The following GRM7 variants were observed in gnomAD, a reference collection of about 807,000 sequenced individuals.
GRM7 encodes glutamate metabotropic receptor 7, also known as metabotropic glutamate receptor 7.
In GRM7, 35 loss-of-function variants were observed where a neutral mutation model predicts 84.5. The observed-to-expected ratio is 0.41, with a 90% CI of 0.32 to 0.55. The LOEUF is 0.55. Ranked by LOEUF, GRM7 falls within the 20% of genes least tolerant of loss-of-function variation. The pLI is 0.19. For missense variants in GRM7, 1,003 were observed against 1,194.6 expected (o/e 0.84, Z 2.36); for synonymous variants, 487 against 455.1 (o/e 1.07, Z -0.89).
intron 8 of GRM7, among the ~76,000 whole-genome samples, chr3:7,662,738 A>T (rs940575568): frequency 2.0e-5 from 3 of 152,244 alleles, no homozygotes; most frequent in African/African-American, 7.2e-5. Flanking sequence ...AAATGAACAG[A>T]TGGTGAATCT....
At chr3:7,149,890 C>T (rs1363689583) in intron 2 of GRM7, among the ~76,000 whole-genome samples, 1 of 152,114 alleles carries the variant, frequency 6.6e-6, no homozygotes, top group Admixed American at 6.6e-5. Flanking sequence ...AGTCTGAAAA[C>T]TTTGAAAATA....
intron 2 of GRM7, among the ~76,000 whole-genome samples, chr3:7,284,910 T>C (rs1487697161): frequency 6.6e-6 from 1 of 152,152 alleles, no homozygotes; most frequent in African/African-American, 2.4e-5. Context: ...TATTAAAGGA[T>C]ACCCAATAAA....
At chr3:7,711,099 T>A (rs887042150) in intron 9 of GRM7, among the ~76,000 whole-genome samples, 5 of 152,188 alleles carry the variant, frequency 3.3e-5, no homozygotes, top group African/African-American at 9.6e-5. Context: ...TTAGACACAG[T>A]GGTATCCACG....
At position 6,902,850 on chromosome 3, in the gene GRM7, T is replaced by TACACAC. The variant is rs34849112; in HGVS notation, c.519+40970_519+40975dup. ...AACAACACGATCACAAACAGACTCCTACACACACACACACACACACACACA... is the reference window on the plus strand; with the variant it reads ...AACAACACGATCACAAACAGACTCCTACACACACACACACACACACACACACACACA... On this transcript the variant is annotated intron_variant, in intron 1 of 9. Transcript: ENST00000357716. Among the ~76,000 whole-genome samples, 932 of 134,536 alleles carry TACACAC rather than the reference T, an allele frequency of 6.9e-3. 9 individuals carry two copies. The highest frequency in any genetic ancestry group is 0.019 in the African/African-American group (731 of 38,850). The allele number at this position is 134,536 out of a possible 152,430, so 88.3% of individuals were successfully genotyped here. A position where few individuals can be genotyped will look rare whatever the true frequency, so the allele number is the denominator to read the frequency against.
chr3:7,445,312 G>A (rs769683111), intron 5 of GRM7, among the ~76,000 whole-genome samples: 1 of 152,134 alleles, frequency 6.6e-6, no homozygotes, highest in African/African-American at 2.4e-5. Flanking sequence ...AAACCATTTG[G>A]CTCATTTTTT....
chr3:7,671,883 A>C (rs1012961759), intron 8 of GRM7, among the ~76,000 whole-genome samples: 8 of 152,152 alleles, frequency 5.3e-5, no homozygotes, highest in African/African-American at 1.9e-4. Context: ...TAAATGAGGT[A>C]GGAGTTTATA....
chr3:7,192,958 A>G (rs55719233), intron 2 of GRM7, among the ~76,000 whole-genome samples: 45,492 of 151,988 alleles, frequency 0.3, 6,987 homozygotes, highest in Middle Eastern at 0.39. Flanking sequence ...CTAAACTTCC[A>G]TTTCCAACCT....
At chr3:7,549,012 A>G (rs1464651246) in intron 7 of GRM7, among the ~76,000 whole-genome samples, 1 of 152,168 alleles carries the variant, frequency 6.6e-6, no homozygotes, top group East Asian at 1.9e-4. Context: ...CTTGGTAAGT[A>G]GAGTAGAGAG....
chr3:7,565,180 C>A (rs1320022735), intron 7 of GRM7, among the ~76,000 whole-genome samples: 1 of 152,176 alleles, frequency 6.6e-6, no homozygotes, highest in Non-Finnish European at 1.5e-5. Flanking sequence ...TCTAATTACA[C>A]TTTAACTCAA....
In GRM7 at chr3:7,119,137, G is replaced by A. The variant is rs78303626; in HGVS notation, c.520-27315G>A. ...CTTTTTAGAAACTATGAGTGTGCGT[G>A]TTTGTGACCAATCAGATTATTCTGG... On this transcript the variant is annotated intron_variant, in intron 1 of 9. Transcript: ENST00000357716. Among the ~76,000 whole-genome samples, 921 of 152,168 alleles carry A rather than the reference G, an allele frequency of 6.1e-3. 12 individuals carry two copies. The highest frequency in any genetic ancestry group is 0.021 in the African/African-American group (878 of 41,542).
chr3:6,978,522 G>T (rs1694081341), intron 1 of GRM7, among the ~76,000 whole-genome samples: 1 of 152,070 alleles, frequency 6.6e-6, no homozygotes, highest in Admixed American at 6.6e-5. Flanking sequence ...ATTGCTTTGG[G>T]CACTGATCGC....
At chr3:7,348,469 A>G (rs561928023) in intron 4 of GRM7, among the ~76,000 whole-genome samples, 1 of 152,228 alleles carries the variant, frequency 6.6e-6, no homozygotes, top group African/African-American at 2.4e-5. Context: ...GTTATCCCAG[A>G]ATATTCCTTA....
At position 7,486,266 on chromosome 3, in the gene GRM7, C is replaced by T. The variant is rs1055561220; in HGVS notation, c.1515+24544C>T. 1.3e-5 allele frequency among the ~76,000 whole-genome samples: 2 copies of T among 151,866 alleles called. No homozygotes were observed. Among genetic ancestry groups the T allele is most frequent in the African/African-American group, 4.8e-5 (2 of 41,324 alleles). On this transcript the variant is annotated intron_variant, in intron 7 of 9. Coordinates refer to ENST00000357716, the MANE Select transcript of GRM7 (RefSeq NM_000844.4). This position sits in a 1 kb window ranked among gnomAD's most constrained non-coding sequence, Gnocchi z 5.5. ...TTTGTATTTAAGTGTTTTTGCTTCC[C>T]AAGAAATGATGGTAATGATAATGGC...
intron 1 of GRM7, among the ~76,000 whole-genome samples, chr3:6,971,605 T>C (rs1397107149): frequency 6.6e-6 from 1 of 152,256 alleles, no homozygotes; most frequent in Non-Finnish European, 1.5e-5. Flanking sequence ...TATAGCATCA[T>C]GCATTGCTAA....
Position 7,731,361 on chromosome 3 carries a change from A to T in GRM7, c.2699-8996A>T, listed in dbSNP as rs151041596. Among the ~76,000 whole-genome samples the T allele has an allele frequency of 5.3e-5, 8 of 152,334 alleles. No homozygotes were observed. In the East Asian group the frequency reaches 1.3e-3, roughly 26 times the overall value. On this transcript the variant is annotated intron_variant, in intron 9 of 9. Coordinates refer to ENST00000357716, the MANE Select transcript of GRM7 (RefSeq NM_000844.4). Reference sequence around the variant, plus strand: ...TTCCCACATATTTTTCTTTTGTTCTATTCATCTCTAAGACCCTCCTAGAGC... The same window carrying T: ...TTCCCACATATTTTTCTTTTGTTCTTTTCATCTCTAAGACCCTCCTAGAGC...
chr3:7,307,868 C>T (rs992055632), intron 4 of GRM7, among the ~76,000 whole-genome samples: 5 of 152,086 alleles, frequency 3.3e-5, no homozygotes, highest in Non-Finnish European at 7.3e-5. Flanking sequence ...AAATTCTCAC[C>T]CTCAAAGCAT....
intron 3 of GRM7, among the ~76,000 whole-genome samples, chr3:7,299,756 A>G (rs539983897): frequency 5.9e-5 from 9 of 152,246 alleles, no homozygotes; most frequent in African/African-American, 1.9e-4. Flanking sequence ...TCAGTATTCA[A>G]TAGCCAGGCA....
intron 9 of GRM7, among the ~76,000 whole-genome samples, chr3:7,713,402 T>TCTCACA (rs1244847417): frequency 2.0e-5 from 3 of 152,028 alleles, no homozygotes; most frequent in Non-Finnish European, 4.4e-5. Flanking sequence ...TCTCCCAAAG[T>TCTCACA]GCTGAGATTA....
intron 7 of GRM7, among the ~76,000 whole-genome samples, chr3:7,482,950 C>T (rs946551713): frequency 6.6e-6 from 1 of 152,114 alleles, no homozygotes; most frequent in African/African-American, 2.4e-5. Flanking sequence ...CATTTATTTT[C>T]CTACTATTTA....
Sources: allele counts gnomAD v4.1 joint callset (sites outside exome capture counted in the v4.1 genomes callset), GRCh38; gene constraint gnomAD v4.1.1; non-coding constraint Gnocchi (gnomAD v3.1); transcripts MANE v1.5; gene names NCBI Gene and HGNC (gene_info 2026-07-23, HGNC 2026-07-21).